Variants in ANKRD30B observed in about 807,000 individuals in gnomAD.
ANKRD30B encodes ankyrin repeat domain 30B.
ANKRD30B carries 144 observed loss-of-function variants against 202.2 expected under a neutral mutation model. That is an observed-to-expected ratio of 0.71 (90% CI 0.62 to 0.82). The LOEUF is 0.82. Ranked by LOEUF, ANKRD30B falls within the 40% of genes least tolerant of loss-of-function variation. ANKRD30B has a pLI of 0.00. For missense variants in ANKRD30B, 1,487 were observed against 1,669.1 expected, an observed-to-expected ratio of 0.89 and a Z score of 1.90; for synonymous variants, 508 against 561.3, an observed-to-expected ratio of 0.91 and a Z score of 1.34.
At chr18:14,938,402 T>C in the ANKRD30B span, among the ~76,000 whole-genome samples, 2 of 152,186 alleles carry the variant, frequency 1.3e-5, no homozygotes, top group African/African-American at 4.8e-5. Flanking sequence ...CTTTTACAGG[T>C]CTTGAGTTGT....
chr18:14,855,514 T>C (rs1240237613), downstream of ANKRD30B, among the ~76,000 whole-genome samples: 7 of 146,616 alleles, frequency 4.8e-5, no homozygotes, highest in South Asian at 2.2e-4. Flanking sequence ...ACTTCCCAGA[T>C]GGGGCGGCTG....
intron 34 of ANKRD30B, among the ~76,000 whole-genome samples, chr18:14,836,642 A>G (rs998975332): frequency 2.6e-5 from 4 of 152,216 alleles, no homozygotes; most frequent in Non-Finnish European, 5.9e-5. Context: ...TACCCATTAC[A>G]TGAAGGGGTA....
intron 15 of ANKRD30B, among the ~76,000 whole-genome samples, chr18:14,789,526 C>A (rs1479502406): frequency 6.6e-6 from 1 of 152,226 alleles, no homozygotes; most frequent in African/African-American, 2.4e-5. Flanking sequence ...GGTTTTAAGT[C>A]TAACGTTTAA....
intron 34 of ANKRD30B, among the ~76,000 whole-genome samples, chr18:14,833,322 A>T (rs1304839292): frequency 6.6e-6 from 1 of 151,452 alleles, no homozygotes; most frequent in Non-Finnish European, 1.5e-5. Flanking sequence ...ATGTGGGCTC[A>T]CTTGCAAGCC....
intron 32 of ANKRD30B, among the ~76,000 whole-genome samples, chr18:14,823,555 G>T (rs1240613054): frequency 3.9e-5 from 6 of 151,918 alleles, no homozygotes; most frequent in Non-Finnish European, 1.5e-5. Context: ...GCTAGACACG[G>T]TGTTTTAGAA....
the ANKRD30B span, among the ~76,000 whole-genome samples, chr18:14,860,916 G>C: frequency 2.6e-5 from 4 of 152,098 alleles, no homozygotes; most frequent in Admixed American, 2.6e-4. Context: ...GGCCAGGCTG[G>C]TCTTGAACTG....
At chr18:14,881,712 G>T in the ANKRD30B span, among the ~76,000 whole-genome samples, 2 of 151,554 alleles carry the variant, frequency 1.3e-5, no homozygotes, top group African/African-American at 2.4e-5. Context: ...GTAGAATTCT[G>T]CTGTGAATCT....
At chr18:14,824,744 G>A (rs1970593951) in intron 32 of ANKRD30B, among the ~76,000 whole-genome samples, 1 of 152,180 alleles carries the variant, frequency 6.6e-6, no homozygotes, top group African/African-American at 2.4e-5. Flanking sequence ...TCTGGTCATG[G>A]TATAAACCAG....
the ANKRD30B span, among the ~76,000 whole-genome samples, chr18:14,923,865 A>G: frequency 6.6e-6 from 1 of 152,202 alleles, no homozygotes; most frequent in Non-Finnish European, 1.5e-5. Flanking sequence ...TGACACCAGT[A>G]GTATCCTTCT....
the ANKRD30B span, among the ~76,000 whole-genome samples, chr18:14,923,120 A>G: frequency 6.6e-6 from 1 of 152,204 alleles, no homozygotes; most frequent in Non-Finnish European, 1.5e-5. Flanking sequence ...CCCAGGTAGT[A>G]GACTGTGGGC....
chr18:14,796,991 C>T (rs1382014060), intron 18 of ANKRD30B, among the ~76,000 whole-genome samples: 1 of 152,104 alleles, frequency 6.6e-6, no homozygotes, highest in Non-Finnish European at 1.5e-5. Context: ...AACAGAAATG[C>T]AGACTTTCCA....
chr18:14,764,233 A>T, intron 7 of ANKRD30B, 143 bp downstream of exon 7: 3 of 822,220 alleles, frequency 3.6e-6, no homozygotes. Flanking sequence ...GTGTAGAAAT[A>T]AATAGATCTT....
the ANKRD30B span, among the ~76,000 whole-genome samples, chr18:14,896,594 T>C: frequency 2.7e-5 from 4 of 148,514 alleles, no homozygotes; most frequent in Admixed American, 2.0e-4. Flanking sequence ...ATAGAACATA[T>C]GGGATTTGTT....
At chr18:14,932,971 T>C in the ANKRD30B span, among the ~76,000 whole-genome samples, 4 of 152,230 alleles carry the variant, frequency 2.6e-5, no homozygotes, top group Non-Finnish European at 5.9e-5. Flanking sequence ...TATATCTTCA[T>C]TTTAAGTACA....
At chr18:14,811,195 CT>C (rs543852848) in intron 28 of ANKRD30B, among the ~76,000 whole-genome samples, 1 of 149,614 alleles carries the variant, frequency 6.7e-6, no homozygotes, top group Admixed American at 6.6e-5. Flanking sequence ...CTTAAATTTT[CT>C]TTTTTTTTTA....
chr18:14,930,980 T>G, the ANKRD30B span, among the ~76,000 whole-genome samples: 1 of 152,196 alleles, frequency 6.6e-6, no homozygotes, highest in Non-Finnish European at 1.5e-5. Context: ...GACTTGCCAG[T>G]CCTACCACAG....
At chr18:14,878,198 A>G in the ANKRD30B span, among the ~76,000 whole-genome samples, 1 of 151,934 alleles carries the variant, frequency 6.6e-6, no homozygotes, top group Non-Finnish European at 1.5e-5. Flanking sequence ...CTCAGTGGAT[A>G]CTCTCCCTTT....
At chr18:14,903,608 G>A in the ANKRD30B span, 2 of 152,174 alleles carry the variant, frequency 1.3e-5, no homozygotes, top group Admixed American at 1.3e-4. Flanking sequence ...ACTCCCTCTG[G>A]TCTCTATGTA....
chr18:14,798,449 T>C (rs559431149), intron 20 of ANKRD30B, among the ~76,000 whole-genome samples: 3 of 152,096 alleles, frequency 2.0e-5, no homozygotes, highest in Admixed American at 6.5e-5. Flanking sequence ...AACCTATGAT[T>C]AGCAAGATAT....
Sources: allele counts gnomAD v4.1 joint callset (sites outside exome capture counted in the v4.1 genomes callset), GRCh38; gene constraint gnomAD v4.1.1; transcripts MANE v1.5; gene names NCBI Gene and HGNC (gene_info 2026-07-23, HGNC 2026-07-21).